HPSE2: variants seen among roughly 807,000 people sequenced by gnomAD.
The protein encoded by HPSE2 is heparanase 2 (inactive).
Under a neutral mutation model 60.5 loss-of-function variants are expected in HPSE2, and 38 were observed. The ratio of observed to expected loss-of-function variants is 0.63; its 90% CI spans 0.48 to 0.82. The LOEUF is 0.82. Ranked by LOEUF, HPSE2 falls within the 40% of genes least tolerant of loss-of-function variation. The pLI, the probability that HPSE2 is intolerant of heterozygous loss-of-function variation, is 0.00. For missense variants in HPSE2, 713 were observed against 740.4 expected (o/e 0.96, Z 0.43); for synonymous variants, 295 against 293.2 (o/e 1.01, Z -0.06).
intron 2 of HPSE2, among the ~76,000 whole-genome samples, chr10:99,172,046 T>A (rs11190002): frequency 0.49 from 74,105 of 152,030 alleles, 20,811 homozygotes; most frequent in East Asian, 0.65. Flanking sequence ...TCAACTTTTA[T>A]TTTAGATTCA....
intron 3 of HPSE2, among the ~76,000 whole-genome samples, chr10:98,889,021 A>C (rs370475128): frequency 7.9e-5 from 12 of 152,178 alleles, no homozygotes; most frequent in African/African-American, 2.6e-4. Context: ...CAAGACCCCA[A>C]TCTATTAAAA....
At chr10:98,841,191 G>C (rs1017353409) in intron 3 of HPSE2, among the ~76,000 whole-genome samples, 1 of 152,046 alleles carries the variant, frequency 6.6e-6, no homozygotes, top group Non-Finnish European at 1.5e-5. Flanking sequence ...CCTGGAGGCG[G>C]AGGTTACAGT....
At chr10:99,039,030 G>A (rs1005518730) in intron 3 of HPSE2, among the ~76,000 whole-genome samples, 1 of 151,948 alleles carries the variant, frequency 6.6e-6, no homozygotes, top group East Asian at 1.9e-4. Flanking sequence ...TTTTTTTTAA[G>A]TATCAGTCTT....
intron 2 of HPSE2, among the ~76,000 whole-genome samples, chr10:99,219,511 C>A (rs1166613601): frequency 6.6e-6 from 1 of 152,164 alleles, no homozygotes; most frequent in Non-Finnish European, 1.5e-5. Context: ...CAACCACCCC[C>A]AAAACACAAG....
chr10:99,124,388 G>T (rs1845085217), intron 3 of HPSE2, among the ~76,000 whole-genome samples: 1 of 152,132 alleles, frequency 6.6e-6, no homozygotes, highest in South Asian at 2.1e-4. Flanking sequence ...TTGAAGGTGG[G>T]GCTTCACCAG....
At chr10:98,622,956 TCC>T (rs1335800087) in intron 7 of HPSE2, among the ~76,000 whole-genome samples, 2 of 152,170 alleles carry the variant, frequency 1.3e-5, no homozygotes, top group African/African-American at 4.8e-5. Flanking sequence ...ATCTATGATT[TCC>T]CTTAAAATAT....
chr10:98,841,865 G>A (rs1951921749), intron 3 of HPSE2, among the ~76,000 whole-genome samples: 2 of 150,648 alleles, frequency 1.3e-5, no homozygotes, highest in South Asian at 4.2e-4. Flanking sequence ...GGAGTGCAGT[G>A]GCACGATCTC....
intron 3 of HPSE2, among the ~76,000 whole-genome samples, chr10:98,841,347 G>C (rs1437645569): frequency 6.6e-6 from 1 of 152,086 alleles, no homozygotes; most frequent in African/African-American, 2.4e-5. Flanking sequence ...TCTGATAGTT[G>C]TTATTCAGAG....
At position 98,620,742 on chromosome 10, in the gene HPSE2, AG is replaced by A. The variant is rs758821904; in HGVS notation, c.1099-35del. On this transcript the variant is annotated intron_variant, in intron 7 of 11. Coordinates refer to ENST00000370552, the MANE Select transcript of HPSE2 (RefSeq NM_021828.5). The stretch of plus-strand genomic sequence containing the variant: ...ACAACAAAAGCAGAAGGGGATAACG[AG>A]GTTTTAAAAGCTATTCCCACATGAG... 8 of 1,398,844 alleles carry A rather than the reference AG, an allele frequency of 5.7e-6. No individual in the cohort carries two copies. In the South Asian group the frequency reaches 9.4e-5, roughly 16 times the overall value. 86.7% of individuals were successfully genotyped at this position (1,398,844 alleles called of 1,614,324 possible).
intron 3 of HPSE2, among the ~76,000 whole-genome samples, chr10:99,096,548 G>A (rs1232990301): frequency 6.6e-6 from 1 of 152,016 alleles, no homozygotes; most frequent in Non-Finnish European, 1.5e-5. Flanking sequence ...CCTCTATATT[G>A]TCTATATTTT....
At position 98,768,683 on chromosome 10, in the gene HPSE2, A is replaced by G. The variant is rs1312921699; in HGVS notation, c.611-24627T>C. On this transcript the variant is annotated intron_variant, in intron 3 of 11. Coordinates refer to ENST00000370552, the MANE Select transcript of HPSE2 (RefSeq NM_021828.5). ...TCTGTTTTCTAATCACTGGCCCCAAATTTATTCTGTTCCCTTGGACAAATC... is the reference window on the plus strand; with the variant it reads ...TCTGTTTTCTAATCACTGGCCCCAAGTTTATTCTGTTCCCTTGGACAAATC... 2.6e-5 allele frequency among the ~76,000 whole-genome samples: 4 copies of G among 152,258 alleles called. No individual in the cohort carries two copies. In the East Asian group the frequency reaches 7.7e-4, roughly 29 times the overall value.
At chr10:99,020,886 C>T (rs1957247143) in intron 3 of HPSE2, among the ~76,000 whole-genome samples, 1 of 152,174 alleles carries the variant, frequency 6.6e-6, no homozygotes, top group Non-Finnish European at 1.5e-5. Context: ...GGCCAACTTA[C>T]AGGGCCAGGG....
chr10:98,793,161 C>A (rs376884253), intron 3 of HPSE2, among the ~76,000 whole-genome samples: 3 of 152,200 alleles, frequency 2.0e-5, no homozygotes, highest in African/African-American at 7.2e-5. Flanking sequence ...AGATGTTCTC[C>A]CTTAACTGTA....
intron 3 of HPSE2, among the ~76,000 whole-genome samples, chr10:98,972,849 C>T (rs1023546452): frequency 3.9e-5 from 6 of 152,082 alleles, no homozygotes; most frequent in African/African-American, 1.4e-4. Flanking sequence ...AATGTAGTCT[C>T]ACGTTAATGT....
At chr10:98,577,012 G>C (rs4919245) in intron 9 of HPSE2, among the ~76,000 whole-genome samples, 1 of 151,830 alleles carries the variant, frequency 6.6e-6, no homozygotes, top group African/African-American at 2.4e-5. Flanking sequence ...AAACCCCTAC[G>C]TTCTATTCTC....
At chr10:98,727,237 T>C (rs1017255888) in intron 4 of HPSE2, among the ~76,000 whole-genome samples, 6 of 152,150 alleles carry the variant, frequency 3.9e-5, no homozygotes, top group Admixed American at 1.3e-4. Context: ...ACAAAAAAGC[T>C]ATTATACATG....
At chr10:98,748,566 T>A (rs1949681080) in intron 3 of HPSE2, among the ~76,000 whole-genome samples, 1 of 152,112 alleles carries the variant, frequency 6.6e-6, no homozygotes, top group Non-Finnish European at 1.5e-5. Flanking sequence ...CACTGGATAG[T>A]GGGCAGTTGA....
At chr10:99,232,556 C>T in intron 1 of HPSE2, 51 bp from the exon 2 acceptor site, 1 of 1,540,614 alleles carries the variant, frequency 6.5e-7, no homozygotes, top group Non-Finnish European at 8.8e-7. Context: ...AGGACGAGAG[C>T]GCGTGGGGCA....
chr10:99,274,547 T>C, the HPSE2 span, among the ~76,000 whole-genome samples: 1 of 152,224 alleles, frequency 6.6e-6, no homozygotes, highest in Non-Finnish European at 1.5e-5. Flanking sequence ...ATTATTTTTA[T>C]ACTTAAATAT....
Sources: allele counts gnomAD v4.1 joint callset (sites outside exome capture counted in the v4.1 genomes callset), GRCh38; gene constraint gnomAD v4.1.1; transcripts MANE v1.5; gene names NCBI Gene and HGNC (gene_info 2026-07-23, HGNC 2026-07-21).